PALS2: variants seen among roughly 807,000 people sequenced by gnomAD.
PALS2 encodes protein PALS2.
In PALS2, 27 loss-of-function variants were observed where a neutral mutation model predicts 61.6. The ratio of observed to expected loss-of-function variants is 0.44; its 90% CI spans 0.32 to 0.60. PALS2 has a LOEUF of 0.60. Among genes scored for constraint, PALS2 ranks in the 20% least tolerant of loss-of-function variants. The pLI, the probability that PALS2 is intolerant of heterozygous loss-of-function variation, is 0.05. For missense variants in PALS2, 554 were observed against 639.4 expected, an observed-to-expected ratio of 0.87 and a Z score of 1.44; for synonymous variants, 236 against 218.6, an observed-to-expected ratio of 1.08 and a Z score of -0.70.
chr7:24,647,198 G>A (rs560333786), intron 3 of PALS2, among the ~76,000 whole-genome samples: 1 of 150,760 alleles, frequency 6.6e-6, no homozygotes, highest in East Asian at 1.9e-4. Context: ...CCAGGCTGGA[G>A]TGCAGTGGCA....
chr7:24,612,699 A>G (rs1784156971), intron 1 of PALS2, among the ~76,000 whole-genome samples: 1 of 151,860 alleles, frequency 6.6e-6, no homozygotes, highest in Admixed American at 6.6e-5. Context: ...TCTTATTTAT[A>G]GTCAGCCAAA....
chr7:24,612,264 A>G (rs1784141582), intron 1 of PALS2, among the ~76,000 whole-genome samples: 2 of 151,938 alleles, frequency 1.3e-5, no homozygotes, highest in East Asian at 1.9e-4. Flanking sequence ...TGTCACCTTT[A>G]TTGTATATTG....
intron 1 of PALS2, among the ~76,000 whole-genome samples, chr7:24,601,325 C>T (rs968979601): frequency 2.6e-5 from 4 of 152,062 alleles, no homozygotes; most frequent in African/African-American, 4.8e-5. Context: ...CATTTATTTG[C>T]TTCATTTTTT....
At position 24,596,032 on chromosome 7, in the gene PALS2, C is replaced by G. The variant is rs1015855520; in HGVS notation, c.-3+22439C>G. On this transcript the variant is annotated intron_variant, in intron 1 of 11. Coordinates refer to ENST00000222644, the MANE Select transcript of PALS2 (RefSeq NM_001303037.2). This position sits in a 1 kb window ranked among gnomAD's most constrained non-coding sequence, Gnocchi z 4.5. Reference sequence around the variant, plus strand: ...GAACGCAGAGAGGTACAGTGGGTGACAAATCATGAAGGCGCTAAGCGGCCA... The same window carrying G: ...GAACGCAGAGAGGTACAGTGGGTGAGAAATCATGAAGGCGCTAAGCGGCCA... Among the ~76,000 whole-genome samples, 1 of 151,910 alleles carries G rather than the reference C, an allele frequency of 6.6e-6. No individual in the cohort carries two copies. The highest frequency in any genetic ancestry group is 1.5e-5 in the Non-Finnish European group (1 of 68,004).
In PALS2 at chr7:24,679,783, C is replaced by T. The variant is rs541139011; in HGVS notation, c.1317+450C>T. 5.9e-5 allele frequency among the ~76,000 whole-genome samples: 9 copies of T among 152,260 alleles called. 1 individual carries two copies. The East Asian group carries it at 1.7e-3, about 29-fold the overall frequency. On this transcript the variant is annotated intron_variant, in intron 10 of 11. Transcript: ENST00000222644. ...CCCCTTCCCACTCCGCTACACTCAGCCCAACCTCACGTCCCTACTCAGAGA... is the reference window on the plus strand; with the variant it reads ...CCCCTTCCCACTCCGCTACACTCAGTCCAACCTCACGTCCCTACTCAGAGA...
chr7:24,628,145 A>G (rs1784831608), intron 2 of PALS2, among the ~76,000 whole-genome samples: 1 of 152,262 alleles, frequency 6.6e-6, no homozygotes, highest in Admixed American at 6.5e-5. Context: ...CGAATCCAGC[A>G]GCACATTAAA....
In PALS2 at chr7:24,663,683, C is replaced by A; in HGVS notation, c.745C>A (p.Leu249Ile). Residue 249 changes from leucine to isoleucine, a missense_variant, in exon 6 of 12, where the codon CTT becomes ATT. Physicochemically the swap from Leu to Ile is conservative, Grantham distance 5 (BLOSUM62 2). Transcript: ENST00000222644. The part of the protein sequence containing the change: ...AGLKFSKGEI[L>I]QIVNREDPNW... ...ATTGAAGTTTTCCAAAGGAGAGATT[C>A]TTCAGATTGTAAATAGAGAAGATCC... is the stretch of plus-strand genomic sequence containing the variant. 1.2e-6 allele frequency: 2 copies of A among 1,609,528 alleles called. No homozygotes were observed. The highest frequency in any genetic ancestry group is 1.7e-6 in the Non-Finnish European group (2 of 1,176,414).
intron 9 of PALS2, among the ~76,000 whole-genome samples, chr7:24,677,447 G>A (rs1470153180): frequency 6.6e-6 from 1 of 151,788 alleles, no homozygotes; most frequent in Non-Finnish European, 1.5e-5. Flanking sequence ...CCTGTCTTGT[G>A]CCAGTTTTCA....
intron 1 of PALS2, among the ~76,000 whole-genome samples, chr7:24,580,639 C>G (rs1480661398): frequency 6.6e-6 from 1 of 152,166 alleles, no homozygotes; most frequent in African/African-American, 2.4e-5. Flanking sequence ...TTTATCTTTT[C>G]AGTACAGAAC....
At chr7:24,639,194 A>G (rs1232247058) in intron 2 of PALS2, among the ~76,000 whole-genome samples, 1 of 152,204 alleles carries the variant, frequency 6.6e-6, no homozygotes, top group Admixed American at 6.5e-5. Context: ...CATTTATTGG[A>G]TTGAATAATT....
At chr7:24,657,292 G>A (rs967159710) in intron 5 of PALS2, among the ~76,000 whole-genome samples, 4 of 152,150 alleles carry the variant, frequency 2.6e-5, no homozygotes, top group African/African-American at 4.8e-5. Context: ...TGACTAAACC[G>A]TTTTCAAAAG....
chr7:24,624,991 G>A (rs899429345), intron 2 of PALS2, among the ~76,000 whole-genome samples: 1 of 152,096 alleles, frequency 6.6e-6, no homozygotes, highest in Non-Finnish European at 1.5e-5. Flanking sequence ...TCCATTTGCA[G>A]ATCATCCAAC....
rs760642781 is a variant in PALS2, at chr7:24,680,520, C to T, written c.1446C>T (p.Thr482=). 1.3e-5 allele frequency: 21 copies of T among 1,612,674 alleles called. No individual in the cohort carries two copies. The highest frequency in any genetic ancestry group is 4.5e-5 in the East Asian group (2 of 44,844). Residue 482 remains threonine, a splice_region_variant and synonymous_variant, in exon 11 of 12, where the codon ACC becomes ACT. Coordinates refer to ENST00000222644, the MANE Select transcript of PALS2 (RefSeq NM_001303037.2). ...VDAGITTKLL[T]DSDLKKTVDE... ...CAGGAATCACTACCAAGCTTCTGAC[C>T]GTGAGCTAACCATACGATTTTCCTT...
chr7:24,665,599 A>G lies in PALS2; in HGVS notation c.795A>G (p.Val265=), dbSNP rs745860092. 1.2e-6 allele frequency: 2 copies of G among 1,613,600 alleles called. No homozygotes were observed. Among genetic ancestry groups the G allele is most frequent in the Non-Finnish European group, 1.7e-6 (2 of 1,179,634 alleles). The change falls in exon 7 of 12, where the codon GTA becomes GTG. Residue 265 remains valine (V), a synonymous_variant. Transcript: ENST00000222644. The stretch of plus-strand genomic sequence containing the variant: ...TAATTTGATTCTAGGCTAGCCATGT[A>G]AAAGAGGGAGGAAGCGCTGGTCTCA... ...EDPNWWQASH[V]KEGGSAGLIP...
chr7:24,601,816 A>G (rs997511753), intron 1 of PALS2, among the ~76,000 whole-genome samples: 1 of 152,090 alleles, frequency 6.6e-6, no homozygotes, highest in East Asian at 1.9e-4. Flanking sequence ...AGATGTCATC[A>G]TTGAGCCATT....
chr7:24,604,876 A>G (rs1280879879), intron 1 of PALS2, among the ~76,000 whole-genome samples: 1 of 152,170 alleles, frequency 6.6e-6, no homozygotes, highest in Non-Finnish European at 1.5e-5. Flanking sequence ...AGCACTGATC[A>G]AGCTTCGGTT....
intron 4 of PALS2, among the ~76,000 whole-genome samples, chr7:24,650,111 G>T (rs1583946259): frequency 6.6e-6 from 1 of 152,064 alleles, no homozygotes; most frequent in East Asian, 1.9e-4. Flanking sequence ...ATTAAAAATT[G>T]AAGCCATACT....
At chr7:24,669,949 GCAAGTAGTTCTTAAAGA>G (rs1472668884) in intron 9 of PALS2, among the ~76,000 whole-genome samples, 1 of 152,114 alleles carries the variant, frequency 6.6e-6, no homozygotes, top group Admixed American at 6.5e-5. Flanking sequence ...AATATTTTTA[GCAAGTAGTTCTTAAAGA>G]CATATAATGG....
intron 2 of PALS2, among the ~76,000 whole-genome samples, chr7:24,634,458 C>T (rs1479550514): frequency 2.6e-5 from 4 of 152,160 alleles, no homozygotes; most frequent in African/African-American, 9.7e-5. Context: ...TCTCGATCTC[C>T]TGACCTCGTG....
Sources: allele counts gnomAD v4.1 joint callset (sites outside exome capture counted in the v4.1 genomes callset), GRCh38; gene constraint gnomAD v4.1.1; non-coding constraint Gnocchi (gnomAD v3.1); transcripts MANE v1.5; gene names NCBI Gene and HGNC (gene_info 2026-07-23, HGNC 2026-07-21).